Variants in GPBP1 observed in about 807,000 individuals in gnomAD.
GPBP1 encodes the protein vasculin.
A neutral mutation model predicts 56.5 loss-of-function variants in GPBP1; 13 were observed. The observed-to-expected ratio is 0.23, with a 90% CI of 0.15 to 0.37. GPBP1 has a LOEUF of 0.37. Among genes scored for constraint, GPBP1 ranks in the 10% least tolerant of loss-of-function variants. GPBP1 has a pLI of 1.00. For missense variants in GPBP1, 477 were observed against 572.3 expected (o/e 0.83, Z 1.70); for synonymous variants, 204 against 188.9 (o/e 1.08, Z -0.66).
At chr5:57,177,507 C>T (rs974934462) in intron 2 of GPBP1, among the ~76,000 whole-genome samples, 13 of 152,062 alleles carry the variant, frequency 8.5e-5, no homozygotes, top group African/African-American at 3.1e-4. Context: ...GAGTTTCGCT[C>T]TTGTTGCCCA....
intron 2 of GPBP1, among the ~76,000 whole-genome samples, chr5:57,182,093 A>G (rs552026400): frequency 1.3e-5 from 2 of 151,982 alleles, no homozygotes; most frequent in Non-Finnish European, 2.9e-5. Flanking sequence ...TAATTATTTT[A>G]TAAATTTTTT....
At chr5:57,213,891 CTT>C (rs1322589064) in intron 2 of GPBP1, among the ~76,000 whole-genome samples, 181 bp from the exon 3 acceptor site, 8 of 152,330 alleles carry the variant, frequency 5.3e-5, no homozygotes, top group South Asian at 2.1e-4. Flanking sequence ...AAAATTCCCT[CTT>C]CTTTCTTGCA....
intron 2 of GPBP1, among the ~76,000 whole-genome samples, chr5:57,188,202 C>T (rs1012460444): frequency 6.6e-6 from 1 of 150,944 alleles, no homozygotes; most frequent in African/African-American, 2.4e-5. Context: ...TGAGATCGCA[C>T]CACTGCACTC....
At chr5:57,189,652 T>C (rs1754434965) in intron 2 of GPBP1, among the ~76,000 whole-genome samples, 1 of 152,250 alleles carries the variant, frequency 6.6e-6, no homozygotes, top group African/African-American at 2.4e-5. Context: ...AGTGATCCTT[T>C]AAAAATGATA....
chr5:57,247,001 T>C (rs934755647), intron 7 of GPBP1, 74 bp from the exon 8 acceptor site: 27 of 1,381,416 alleles, frequency 2.0e-5, no homozygotes, highest in African/African-American at 4.4e-5. Flanking sequence ...TTTTGTTTTA[T>C]AATATTCACT....
chr5:57,206,877 C>T (rs78677226), intron 2 of GPBP1, among the ~76,000 whole-genome samples: 3,949 of 152,152 alleles, frequency 0.026, 154 homozygotes, highest in African/African-American at 0.089. Flanking sequence ...GGCCAAGGTG[C>T]GAGGATTGCT....
chr5:57,196,076 T>G (rs1265596739), intron 2 of GPBP1, among the ~76,000 whole-genome samples: 1 of 151,164 alleles, frequency 6.6e-6, no homozygotes, highest in Admixed American at 6.6e-5. Context: ...AGGCTCTCAG[T>G]ATTTCCTTTT....
chr5:57,181,943 C>T (rs1561319439), intron 2 of GPBP1, among the ~76,000 whole-genome samples: 1 of 152,166 alleles, frequency 6.6e-6, no homozygotes, highest in Non-Finnish European at 1.5e-5. Flanking sequence ...AACAGATTTG[C>T]TGTATAACCC....
At chr5:57,196,828 C>G (rs1754786487) in intron 2 of GPBP1, among the ~76,000 whole-genome samples, 1 of 152,080 alleles carries the variant, frequency 6.6e-6, no homozygotes, top group South Asian at 2.1e-4. Context: ...GTTGCCCAGG[C>G]TGGAGTTCAG....
At chr5:57,179,540 T>C (rs534090552) in intron 2 of GPBP1, among the ~76,000 whole-genome samples, 1 of 152,338 alleles carries the variant, frequency 6.6e-6, no homozygotes, top group South Asian at 2.1e-4. Flanking sequence ...CCATAGCCTG[T>C]TTCCACAGGC....
chr5:57,235,873 T>A (rs1231012846), intron 5 of GPBP1, 93 bp from the exon 6 acceptor site: 1 of 899,938 alleles, frequency 1.1e-6, no homozygotes, highest in South Asian at 1.4e-5. Context: ...GTTGGTCATA[T>A]TTGATTCATC....
chr5:57,195,661 C>T (rs990414559), intron 2 of GPBP1, among the ~76,000 whole-genome samples: 1 of 152,054 alleles, frequency 6.6e-6, no homozygotes, highest in Non-Finnish European at 1.5e-5. Flanking sequence ...TTAGGCACAA[C>T]CTCTTTAAGC....
At position 57,231,201 on chromosome 5, in the gene GPBP1, T is replaced by C. The variant is rs746212957; in HGVS notation, c.291T>C (p.Ser97=). 1.2e-6 allele frequency: 2 copies of C among 1,614,178 alleles called. No homozygotes were observed. Among genetic ancestry groups the C allele is most frequent in the South Asian group, 2.2e-5 (2 of 91,084 alleles). The change falls in exon 5 of 12, where the codon TCT becomes TCC. Residue 97 remains serine, a synonymous_variant. Coordinates refer to ENST00000506184, the MANE Select transcript of GPBP1 (RefSeq NM_022913.4). ...GATACCATGGTGGAAGTTCCCGTTC[T>C]CGTAGCAGTATTTTCCATGCAGGAA... The part of the protein sequence containing the change: ...RGGYHGGSSR[S]RSSIFHAGKS...
At chr5:57,181,512 G>T (rs1194071956) in intron 2 of GPBP1, among the ~76,000 whole-genome samples, 1 of 150,910 alleles carries the variant, frequency 6.6e-6, no homozygotes, top group Non-Finnish European at 1.5e-5. Flanking sequence ...GGTGGCTTAT[G>T]CCTATTATCC....
intron 4 of GPBP1, 39 bp downstream of exon 4, chr5:57,231,008 C>T: frequency 6.3e-7 from 1 of 1,583,472 alleles, no homozygotes; most frequent in Non-Finnish European, 8.6e-7. Flanking sequence ...GGCTAATTTT[C>T]TTTATGATTT....
In GPBP1 at chr5:57,236,040, A is replaced by G. The variant is rs1561362348; in HGVS notation, c.478+8A>G. 4 of 1,579,220 alleles carry G rather than the reference A, an allele frequency of 2.5e-6. No individual in the cohort carries two copies. Among genetic ancestry groups the G allele is most frequent in the Non-Finnish European group, 3.5e-6 (4 of 1,149,414 alleles). On this transcript the variant is annotated splice_region_variant and intron_variant, in intron 6 of 11. Coordinates refer to ENST00000506184, the MANE Select transcript of GPBP1 (RefSeq NM_022913.4). Reference sequence around the variant, plus strand: ...TAGCTGCAGGTGTGTGGGGTAAGTAATTTTTTATCTATATTTGAGGGGCAC... The same window carrying G: ...TAGCTGCAGGTGTGTGGGGTAAGTAGTTTTTTATCTATATTTGAGGGGCAC...
intron 2 of GPBP1, among the ~76,000 whole-genome samples, chr5:57,190,456 G>A (rs755858879): frequency 2.6e-5 from 4 of 151,864 alleles, no homozygotes; most frequent in East Asian, 2.0e-4. Flanking sequence ...GTGTTGGCAC[G>A]CACCTGTAAT....
At chr5:57,234,044 T>C (rs746811703) in intron 5 of GPBP1, among the ~76,000 whole-genome samples, 10 of 152,212 alleles carry the variant, frequency 6.6e-5, no homozygotes, top group Non-Finnish European at 1.5e-4. Flanking sequence ...TTAAAGATGC[T>C]ATGCACATGT....
intron 2 of GPBP1, among the ~76,000 whole-genome samples, chr5:57,209,060 G>A (rs1755364908): frequency 6.6e-6 from 1 of 152,012 alleles, no homozygotes; most frequent in South Asian, 2.1e-4. Flanking sequence ...ATTTATTATA[G>A]GTATTTTATG....
Sources: allele counts gnomAD v4.1 joint callset (sites outside exome capture counted in the v4.1 genomes callset), GRCh38; gene constraint gnomAD v4.1.1; transcripts MANE v1.5; gene names NCBI Gene and HGNC (gene_info 2026-07-23, HGNC 2026-07-21).